Variants in NEDD4L observed in about 807,000 individuals in gnomAD.
NEDD4L encodes the protein E3 ubiquitin-protein ligase NEDD4-like.
Under a neutral mutation model 148.9 loss-of-function variants are expected in NEDD4L, and 54 were observed. That is an observed-to-expected ratio of 0.36 (90% confidence interval 0.29 to 0.45). The LOEUF (loss-of-function observed/expected upper bound fraction) is 0.45, where lower values mean the gene tolerates loss of function less well. Ranked by LOEUF, NEDD4L falls within the 20% of genes least tolerant of loss-of-function variation. The probability of loss-of-function intolerance (pLI) is 1.00; values close to 1 mark genes in which losing one functional copy is unlikely to be tolerated. For missense variants in NEDD4L, 856 were observed against 1,233.8 expected, an observed-to-expected ratio of 0.69 and a Z score of 4.59; for synonymous variants, 433 against 440.7, an observed-to-expected ratio of 0.98 and a Z score of 0.22.
chr18:58,320,366 C>A (rs2058671782), intron 6 of NEDD4L, among the ~76,000 whole-genome samples: 4 of 152,226 alleles, frequency 2.6e-5, no homozygotes, highest in Admixed American at 2.0e-4. Context: ...TACCCCAAGT[C>A]TCACAGAATG....
chr18:58,355,741 C>T (rs780930739), intron 18 of NEDD4L, among the ~76,000 whole-genome samples: 1 of 150,922 alleles, frequency 6.6e-6, no homozygotes, highest in South Asian at 2.1e-4. Flanking sequence ...TGAGATTTTT[C>T]ATGTAAATTT....
At position 58,165,866 on chromosome 18, in the gene NEDD4L, G is replaced by A. The variant is rs759707645; in HGVS notation, c.122+5G>A. On this transcript the variant is annotated splice_donor_5th_base_variant and intron_variant, in intron 2 of 30. Transcript: ENST00000400345. ...AAAGGACATCTTTGGAGCCAGGTATGTTGGCTTTGTTTTTATTTCTGTGGA... is the reference window on the plus strand; with the variant it reads ...AAAGGACATCTTTGGAGCCAGGTATATTGGCTTTGTTTTTATTTCTGTGGA... The A allele has an allele frequency of 6.2e-7, 1 of 1,600,088 alleles. No individual in the cohort carries two copies. The highest frequency in any genetic ancestry group is 8.5e-7 in the Non-Finnish European group (1 of 1,172,024).
rs180701570 is a variant in NEDD4L, at chr18:58,220,706, A to G, written c.123-24721A>G. Among the ~76,000 whole-genome samples, 16 of 152,328 alleles carry G rather than the reference A, an allele frequency of 1.1e-4. No homozygotes were observed. In the East Asian group the frequency reaches 2.5e-3, roughly 24 times the overall value. ...TTTGCTACAACTGGGGACACTTCCTATTAGAGCCGCATCTGCTGGGGTGGA... is the reference window on the plus strand; with the variant it reads ...TTTGCTACAACTGGGGACACTTCCTGTTAGAGCCGCATCTGCTGGGGTGGA... On this transcript the variant is annotated intron_variant, in intron 2 of 30. Transcript: ENST00000400345.
Position 58,400,662 on chromosome 18 carries a change from T to C in NEDD4L, c.*4393T>C, listed in dbSNP as rs2050790970. On this transcript the variant is annotated 3_prime_UTR_variant, in exon 31 of 31. Transcript: ENST00000400345. Reference sequence around the variant, plus strand: ...CGTCTTTCCGTTCGTTGGTTTTCTGTGTGTAAGGAGTAGCATTGCTGTTGG... The same window carrying C: ...CGTCTTTCCGTTCGTTGGTTTTCTGCGTGTAAGGAGTAGCATTGCTGTTGG... 6.6e-6 allele frequency: 1 copy of C among 152,240 alleles called. No individual in the cohort carries two copies. Among genetic ancestry groups the C allele is most frequent in the Non-Finnish European group, 1.5e-5 (1 of 68,042 alleles). The allele number at this position is 152,240 out of a possible 1,614,324, so 9.4% of individuals were successfully genotyped here. A position where few individuals can be genotyped will look rare whatever the true frequency, so the allele number is the denominator to read the frequency against.
In NEDD4L at chr18:58,044,453, C is replaced by T; in HGVS notation, c.-208C>T. ...GGGAGCCGCCCGCCCGCTGGTCCCGCAGCCTTCCGGGAGGAAGCGGTGCCG... is the reference window on the plus strand; with the variant it reads ...GGGAGCCGCCCGCCCGCTGGTCCCGTAGCCTTCCGGGAGGAAGCGGTGCCG... On this transcript the variant is annotated 5_prime_UTR_variant, in exon 1 of 31. Transcript: ENST00000400345. 2.0e-6 allele frequency: 1 copy of T among 512,130 alleles called. No individual in the cohort carries two copies. Among genetic ancestry groups the T allele is most frequent in the East Asian group, 4.3e-5 (1 of 23,492 alleles). The allele number at this position is 512,130 out of a possible 1,614,324, so 31.7% of individuals were successfully genotyped here. A position where few individuals can be genotyped will look rare whatever the true frequency, so the allele number is the denominator to read the frequency against.
intron 1 of NEDD4L, among the ~76,000 whole-genome samples, chr18:58,079,724 T>C (rs2083338678): frequency 6.6e-6 from 1 of 152,144 alleles, no homozygotes; most frequent in African/African-American, 2.4e-5. Flanking sequence ...GAGGGGTCAT[T>C]TCCCTGGGAC....
intron 2 of NEDD4L, among the ~76,000 whole-genome samples, chr18:58,244,323 T>G (rs772069042): frequency 2.0e-5 from 3 of 152,216 alleles, no homozygotes; most frequent in Admixed American, 6.5e-5. Flanking sequence ...TTTTATGATT[T>G]TCAGGATCTC....
chr18:58,193,733 C>T (rs778764390), intron 2 of NEDD4L: 1 of 152,238 alleles, frequency 6.6e-6, no homozygotes, highest in Non-Finnish European at 1.5e-5. Flanking sequence ...CCGATATCTC[C>T]TGCTCATTGT....
At chr18:58,078,542 A>G (rs2083284346) in intron 1 of NEDD4L, among the ~76,000 whole-genome samples, 1 of 151,950 alleles carries the variant, frequency 6.6e-6, no homozygotes, top group Non-Finnish European at 1.5e-5. Flanking sequence ...GAATGGGGGC[A>G]TTTTTCCTGA....
intron 2 of NEDD4L, chr18:58,227,949 G>A (rs2044568167): frequency 1.8e-6 from 1 of 569,402 alleles, no homozygotes; most frequent in Non-Finnish European, 2.2e-6. Context: ...CCAAATTTGA[G>A]CAGTATTACA....
intron 1 of NEDD4L, among the ~76,000 whole-genome samples, chr18:58,110,148 G>A (rs2085332701): frequency 1.3e-5 from 2 of 152,224 alleles, no homozygotes; most frequent in African/African-American, 2.4e-5. Context: ...GCATGACTGG[G>A]TTTCTAGCTT....
intron 1 of NEDD4L, among the ~76,000 whole-genome samples, chr18:58,164,387 G>T (rs2095121596): frequency 6.6e-6 from 1 of 152,212 alleles, no homozygotes; most frequent in South Asian, 2.1e-4. Flanking sequence ...GCAAATGTCA[G>T]TGAAATCTTT....
At chr18:58,166,670 G>A (rs2036883242) in intron 2 of NEDD4L, among the ~76,000 whole-genome samples, 1 of 152,202 alleles carries the variant, frequency 6.6e-6, no homozygotes, top group Non-Finnish European at 1.5e-5. Context: ...TGTTTGAGGA[G>A]TGACAGGAAC....
chr18:58,051,306 A>G (rs2081859387), intron 1 of NEDD4L, among the ~76,000 whole-genome samples: 1 of 152,226 alleles, frequency 6.6e-6, no homozygotes. Flanking sequence ...AGAACTCCCA[A>G]CATATTAAAA....
chr18:58,054,487 A>G (rs2082010491), intron 1 of NEDD4L, among the ~76,000 whole-genome samples: 1 of 152,198 alleles, frequency 6.6e-6, no homozygotes, highest in Admixed American at 6.5e-5. Context: ...GGTCCCAGCT[A>G]CTTGAGAGGC....
At chr18:58,105,523 C>A (rs887354247) in intron 1 of NEDD4L, among the ~76,000 whole-genome samples, 8 of 152,156 alleles carry the variant, frequency 5.3e-5, no homozygotes, top group African/African-American at 1.9e-4. Context: ...TAATCTAAAT[C>A]TTCTAAATGA....
chr18:58,279,472 A>G (rs898764079), intron 5 of NEDD4L, among the ~76,000 whole-genome samples: 8 of 152,236 alleles, frequency 5.3e-5, no homozygotes, highest in African/African-American at 1.9e-4. Context: ...ATTTCCAGCA[A>G]GAAGGCTTGG....
chr18:58,181,973 C>T (rs906960575), intron 2 of NEDD4L, among the ~76,000 whole-genome samples: 2 of 151,994 alleles, frequency 1.3e-5, no homozygotes, highest in African/African-American at 4.8e-5. Context: ...CTATAGCTAA[C>T]TTTGTAGATG....
chr18:58,064,065 T>C (rs374702791), intron 1 of NEDD4L, among the ~76,000 whole-genome samples: 3 of 144,048 alleles, frequency 2.1e-5, no homozygotes, highest in Non-Finnish European at 3.0e-5. Flanking sequence ...TCCGGGTTCA[T>C]GCCATTCTCC....
Sources: gnomAD v4.1 joint callset for allele counts (sites outside exome capture counted in the v4.1 genomes callset) on GRCh38, gnomAD v4.1.1 for gene constraint, MANE v1.5 for transcripts, NCBI Gene and HGNC (gene_info 2026-07-23, HGNC 2026-07-21) for gene names.